Variants in BIN3 observed in about 807,000 individuals in gnomAD.
The protein encoded by BIN3 is bridging integrator 3.
Under a neutral mutation model 38.2 loss-of-function variants are expected in BIN3, and 41 were observed. That is an observed-to-expected ratio of 1.07 (90% CI 0.84 to 1.39). BIN3 has a LOEUF of 1.39. BIN3 is among the 40% of genes most tolerant of loss of function. The probability of loss-of-function intolerance (pLI) is 0.00; values close to 1 mark genes in which losing one functional copy is unlikely to be tolerated. For missense variants in BIN3, 361 were observed against 324.3 expected (o/e 1.11, Z -0.87); for synonymous variants, 145 against 122.6 (o/e 1.18, Z -1.21).
At chr8:22,656,508 C>A (rs1803061300) in intron 1 of BIN3, among the ~76,000 whole-genome samples, 1 of 152,140 alleles carries the variant, frequency 6.6e-6, no homozygotes, top group South Asian at 2.1e-4. Flanking sequence ...GGTAGACAGT[C>A]TTAGGGTATG....
intron 1 of BIN3, among the ~76,000 whole-genome samples, chr8:22,656,113 G>A (rs1449093007): frequency 6.6e-6 from 1 of 151,986 alleles, no homozygotes; most frequent in Non-Finnish European, 1.5e-5. Flanking sequence ...ATTACCAGAA[G>A]TGCAATATAT....
intron 4 of BIN3, chr8:22,634,508 C>G (rs1802306415): frequency 2.2e-6 from 1 of 456,180 alleles, no homozygotes; most frequent in South Asian, 1.5e-5. Flanking sequence ...ACATCAGTAA[C>G]TGGCTGAGGC....
intron 1 of BIN3, among the ~76,000 whole-genome samples, chr8:22,658,316 T>C (rs1180184265): frequency 1.3e-5 from 2 of 152,208 alleles, no homozygotes; most frequent in African/African-American, 4.8e-5. Flanking sequence ...GGGGGAAAGA[T>C]TCTATTTTCT....
At chr8:22,647,673 G>C (rs938313154) in intron 1 of BIN3, among the ~76,000 whole-genome samples, 1 of 152,150 alleles carries the variant, frequency 6.6e-6, no homozygotes, top group Non-Finnish European at 1.5e-5. Context: ...AAGAGGTTAT[G>C]TACACCACGC....
At chr8:22,632,388 GAGAGTGCTAC>G (rs1802231441) in intron 4 of BIN3, among the ~76,000 whole-genome samples, 1 of 152,184 alleles carries the variant, frequency 6.6e-6, no homozygotes, top group Non-Finnish European at 1.5e-5. Flanking sequence ...TGGAATCTGG[GAGAGTGCTAC>G]AGTCAACCAG....
chr8:22,649,254 T>C (rs554697210), intron 1 of BIN3, among the ~76,000 whole-genome samples: 225 of 152,322 alleles, frequency 1.5e-3, no homozygotes, highest in African/African-American at 5.0e-3. Context: ...CTACCCCACC[T>C]ATATGGAATG....
chr8:22,659,668 G>C (rs1272040100), intron 1 of BIN3, among the ~76,000 whole-genome samples: 1 of 152,172 alleles, frequency 6.6e-6, no homozygotes, highest in African/African-American at 2.4e-5. Context: ...AGTAGATCAG[G>C]GGATGGGCCC....
chr8:22,629,831 T>A, intron 6 of BIN3, 133 bp downstream of exon 6: 1 of 872,596 alleles, frequency 1.1e-6, no homozygotes, highest in Non-Finnish European at 1.8e-6. Context: ...AGAGCTGACG[T>A]CCCCACTGAG....
intron 1 of BIN3, among the ~76,000 whole-genome samples, chr8:22,660,471 G>A (rs985011516): frequency 6.6e-6 from 1 of 152,168 alleles, no homozygotes; most frequent in Non-Finnish European, 1.5e-5. Context: ...TTACCAATCA[G>A]CAATTATAAA....
In BIN3 at chr8:22,620,569, A is replaced by G. The variant is rs1801748426; in HGVS notation, c.*853T>C. ...GCTGGACCACGGTGCAGTTCGCTCC[A>G]GAAGGTGGGCCAGGGCCGGGGAGGT... On this transcript the variant is annotated 3_prime_UTR_variant, in exon 9 of 9. Transcript: ENST00000276416. 6.6e-6 allele frequency: 1 copy of G among 152,218 alleles called. No homozygotes were observed. Among genetic ancestry groups the G allele is most frequent in the African/African-American group, 2.4e-5 (1 of 41,410 alleles). The allele number at this position is 152,218 out of a possible 1,614,324, so 9.4% of individuals were successfully genotyped here. A position where few individuals can be genotyped will look rare whatever the true frequency, so the allele number is the denominator to read the frequency against.
chr8:22,639,611 T>C (rs1300433410), intron 2 of BIN3, among the ~76,000 whole-genome samples: 1 of 152,228 alleles, frequency 6.6e-6, no homozygotes, highest in Non-Finnish European at 1.5e-5. Context: ...GCAGTGCGTG[T>C]AGAGCAGATT....
chr8:22,634,354 GA>G (rs1486361608), intron 4 of BIN3: 1 of 388,280 alleles, frequency 2.6e-6, no homozygotes, highest in African/African-American at 2.1e-5. Flanking sequence ...GCACTGGCAT[GA>G]AAATTCATGG....
chr8:22,657,902 T>G (rs958722864), intron 1 of BIN3, among the ~76,000 whole-genome samples: 12 of 152,216 alleles, frequency 7.9e-5, no homozygotes, highest in African/African-American at 2.9e-4. Context: ...AGCAGCAGCC[T>G]TGGTACTGCC....
intron 2 of BIN3, among the ~76,000 whole-genome samples, chr8:22,637,340 G>A (rs531393517): frequency 2.6e-5 from 4 of 152,178 alleles, no homozygotes; most frequent in Non-Finnish European, 4.4e-5. Context: ...AGGAGAGGGC[G>A]GGTCTGGAAT....
chr8:22,663,594 T>C (rs1585207845), intron 1 of BIN3, among the ~76,000 whole-genome samples: 1 of 152,148 alleles, frequency 6.6e-6, no homozygotes, highest in East Asian at 1.9e-4. Context: ...AAGCCTTCAA[T>C]TTCCAAAAGC....
intron 2 of BIN3, among the ~76,000 whole-genome samples, chr8:22,637,362 C>T (rs950732592): frequency 2.0e-5 from 3 of 152,210 alleles, no homozygotes; most frequent in Non-Finnish European, 4.4e-5. Flanking sequence ...GGGGGTCTGT[C>T]TCTGCCTTTT....
intron 2 of BIN3, among the ~76,000 whole-genome samples, chr8:22,641,497 C>A (rs1256077988): frequency 6.6e-6 from 1 of 152,230 alleles, no homozygotes; most frequent in Non-Finnish European, 1.5e-5. Context: ...GGCTGGGGCA[C>A]TGATCCCAGG....
intron 1 of BIN3, among the ~76,000 whole-genome samples, chr8:22,666,171 G>A (rs1803410328): frequency 6.6e-6 from 1 of 152,012 alleles, no homozygotes; most frequent in Non-Finnish European, 1.5e-5. Context: ...CAAGGTGTAT[G>A]GTTCAACAGG....
intron 1 of BIN3, among the ~76,000 whole-genome samples, chr8:22,645,411 G>A (rs534265281): frequency 6.6e-6 from 1 of 152,152 alleles, no homozygotes; most frequent in Non-Finnish European, 1.5e-5. Flanking sequence ...AAGCCCAGGA[G>A]TTTGAGGCTG....
Sources: allele counts gnomAD v4.1 joint callset (sites outside exome capture counted in the v4.1 genomes callset), GRCh38; gene constraint gnomAD v4.1.1; transcripts MANE v1.5; gene names NCBI Gene and HGNC (gene_info 2026-07-23, HGNC 2026-07-21).